The following SEC31B variants were observed in gnomAD, a reference collection of about 807,000 sequenced individuals.
The protein encoded by SEC31B is SEC31 homolog B, COPII component.
A neutral mutation model predicts 135.0 loss-of-function variants in SEC31B; 113 were observed. That is an observed-to-expected ratio of 0.84 (90% CI 0.72 to 0.98). The LOEUF is 0.98. Ranked by LOEUF, SEC31B falls within the 50% of genes least tolerant of loss-of-function variation. The probability of loss-of-function intolerance (pLI) is 0.00; values close to 1 mark genes in which losing one functional copy is unlikely to be tolerated. For synonymous variants in SEC31B, 508 were observed against 549.4 expected, an observed-to-expected ratio of 0.92 and a Z score of 1.05; for missense variants, 1,296 against 1,421.1, an observed-to-expected ratio of 0.91 and a Z score of 1.42.
In SEC31B at chr10:100,487,788, G is replaced by A. The variant is rs1327653127; in HGVS notation, c.3368C>T (p.Pro1123Leu). 3.7e-6 allele frequency: 6 copies of A among 1,613,894 alleles called. No homozygotes were observed. The highest frequency in any genetic ancestry group is 2.2e-5 in the East Asian group (1 of 44,898). Residue 1123 changes from proline (P) to leucine (L), a missense_variant, in exon 26 of 26, where the codon CCT (proline) becomes CTT (leucine). Pro to Leu is a moderately conservative substitution (Grantham distance 98, BLOSUM62 -3). Transcript: ENST00000370345. ...CTCATGGAGCCCAGCCACGACATGA[G>A]GTGAGAGCTGTGGAGGGAATGACCC... ...YEKLCEGTLS[P>L]HVVAGLHEVA...
rs781096922 is a variant in SEC31B at position 100,502,427 on chromosome 10, G to A, written c.1237C>T (p.Gln413Ter). 6 of 1,614,058 alleles carry A rather than the reference G, an allele frequency of 3.7e-6. No homozygotes were observed. The highest frequency in any genetic ancestry group is 1.3e-5 in the African/African-American group (1 of 74,926). Residue 413 changes from glutamine to a stop codon, truncating the protein, a stop_gained, in exon 11 of 26, where the codon CAG becomes TAG. Transcript: ENST00000370345. LOFTEE classifies it high-confidence loss of function. ...LPSTPAHLVP[Q>*]PCPRLVFISQ... The stretch of plus-strand genomic sequence containing the variant: ...ATGAAGACTAGGCGGGGGCAAGGCT[G>A]TGGCACCAGATGGGCAGGGGTGCTG...
intron 23 of SEC31B, 86 bp from the exon 24 acceptor site, chr10:100,489,060 C>G: frequency 1.3e-6 from 2 of 1,521,028 alleles, no homozygotes; most frequent in African/African-American, 1.4e-5. Context: ...CAGTGACTCA[C>G]AGTCACACTG....
chr10:100,503,500 C>G (rs1465478445), intron 10 of SEC31B, among the ~76,000 whole-genome samples: 1 of 149,880 alleles, frequency 6.7e-6, no homozygotes, highest in Non-Finnish European at 1.5e-5. Context: ...ATGGCGCAAT[C>G]TCGGCTCACC....
chr10:100,493,994 C>CAAGGGAGGGAAGA (rs1554841081), intron 19 of SEC31B, among the ~76,000 whole-genome samples: 3 of 125,714 alleles, frequency 2.4e-5, no homozygotes, highest in African/African-American at 6.4e-5. Context: ...AAAGGGGAGA[C>CAAGGGAGGGAAGA]AAGGGAGGGA....
chr10:100,511,104 A>T (rs1362051743), intron 3 of SEC31B, among the ~76,000 whole-genome samples: 7 of 152,234 alleles, frequency 4.6e-5, no homozygotes, highest in Admixed American at 3.3e-4. Flanking sequence ...CTCAAGGGGG[A>T]GTCACCAAAG....
At chr10:100,498,260 T>C in intron 14 of SEC31B, 53 bp from the exon 15 acceptor site, 1 of 1,586,464 alleles carries the variant, frequency 6.3e-7, no homozygotes, top group South Asian at 1.1e-5. Flanking sequence ...CCCAACTTCC[T>C]GCCCCCTGCA....
chr10:100,509,300 A>C lies in SEC31B; in HGVS notation c.399+16T>G. The C allele has an allele frequency of 6.2e-7, 1 of 1,610,028 alleles. No homozygotes were observed. The highest frequency in any genetic ancestry group is 8.5e-7 in the Non-Finnish European group (1 of 1,177,656). On this transcript the variant is annotated intron_variant, in intron 4 of 25. Transcript: ENST00000370345. ...CTCCCTGGCTTGGCCATGTTTGACTAACTGAAATGTAGTACCTGGAAAGGA... is the reference window on the plus strand; with the variant it reads ...CTCCCTGGCTTGGCCATGTTTGACTCACTGAAATGTAGTACCTGGAAAGGA...
At chr10:100,508,948 CTT>C (rs1194504928) in intron 5 of SEC31B, 57 bp downstream of exon 5, 1 of 1,401,034 alleles carries the variant, frequency 7.1e-7, no homozygotes, top group East Asian at 2.3e-5. Context: ...GAACTCAAGA[CTT>C]TTACTTAGGA....
Position 100,505,463 on chromosome 10 carries a change from G to C in SEC31B, c.1077C>G (p.Leu359=). 1 of 1,582,394 alleles carries C rather than the reference G, an allele frequency of 6.3e-7. No homozygotes were observed. Among genetic ancestry groups the C allele is most frequent in the Non-Finnish European group, 8.6e-7 (1 of 1,165,568 alleles). The change falls in exon 10 of 26, where the codon CTC becomes CTG. Residue 359 remains leucine, a synonymous_variant. Coordinates refer to ENST00000370345, the MANE Select transcript of SEC31B (RefSeq NM_015490.4). ...CTTGCTCTGGCACCTGCAGTGGTGG[G>C]AGAGGCTGGCCTTTGCTGAAGGAAG... ...ISSSFSKGQP[L]PPLQVPEQVA... is the part of the protein sequence containing the mutation.
At chr10:100,488,714 A>C in intron 24 of SEC31B, 144 bp downstream of exon 24, 1 of 1,137,230 alleles carries the variant, frequency 8.8e-7, no homozygotes, top group Non-Finnish European at 1.2e-6. Context: ...CCAGCTCCAC[A>C]TGGACGTCAA....
Position 100,489,695 on chromosome 10 carries a change from G to A in SEC31B, c.3024+8C>T. 3 of 1,614,150 alleles carry A rather than the reference G, an allele frequency of 1.9e-6. No individual in the cohort carries two copies. The highest frequency in any genetic ancestry group is 2.5e-6 in the Non-Finnish European group (3 of 1,180,014). Reference sequence around the variant, plus strand: ...TGCGAGGGAGTGGGTAGGGAAAGATGCATTGACCTTGTTCCTCTGGAGGTT... The same window carrying A: ...TGCGAGGGAGTGGGTAGGGAAAGATACATTGACCTTGTTCCTCTGGAGGTT... On this transcript the variant is annotated splice_region_variant and intron_variant, in intron 22 of 25. Coordinates refer to ENST00000370345, the MANE Select transcript of SEC31B (RefSeq NM_015490.4).
intron 19 of SEC31B, among the ~76,000 whole-genome samples, chr10:100,493,995 A>AAGGGAGGGAAGAAAGGG (rs1851355590): frequency 6.7e-6 from 1 of 149,680 alleles, no homozygotes; most frequent in Non-Finnish European, 1.5e-5. Flanking sequence ...AAGGGGAGAC[A>AAGGGAGGGAAGAAAGGG]AGGGAGGGAA....
chr10:100,493,684 G>C lies in SEC31B; in HGVS notation c.2472+1701C>G, dbSNP rs199591151. Among the ~76,000 whole-genome samples the C allele has an allele frequency of 1.2e-4, 19 of 152,230 alleles. No individual in the cohort carries two copies. In the East Asian group the frequency reaches 3.3e-3, roughly 26 times the overall value. ...TGGTAAAATTGAGTATCTTGATTTTGGTGGTGGTTACACACCACAATGTGA... is the reference window on the plus strand; with the variant it reads ...TGGTAAAATTGAGTATCTTGATTTTCGTGGTGGTTACACACCACAATGTGA... On this transcript the variant is annotated intron_variant, in intron 19 of 25. Coordinates refer to ENST00000370345, the MANE Select transcript of SEC31B (RefSeq NM_015490.4).
At chr10:100,491,640 A>T in intron 19 of SEC31B, among the ~76,000 whole-genome samples, 1 of 152,256 alleles carries the variant, frequency 6.6e-6, no homozygotes, top group East Asian at 1.9e-4. Flanking sequence ...AAAGAATGAA[A>T]ATAACATGAT....
intron 3 of SEC31B, 110 bp downstream of exon 3, chr10:100,515,986 A>G (rs1270923820): frequency 1.5e-6 from 2 of 1,347,432 alleles, no homozygotes; most frequent in Non-Finnish European, 2.0e-6. Flanking sequence ...AACTTGGCAA[A>G]GCTCCTTCTT....
At chr10:100,492,514 G>A (rs981004566) in intron 19 of SEC31B, among the ~76,000 whole-genome samples, 8 of 152,210 alleles carry the variant, frequency 5.3e-5, no homozygotes, top group African/African-American at 2.4e-5. Context: ...GAGCCACAGC[G>A]CCTGGCTTAT....
At chr10:100,495,123 G>A (rs1000017998) in intron 19 of SEC31B, 6 of 415,210 alleles carry the variant, frequency 1.4e-5, no homozygotes, top group Non-Finnish European at 2.7e-5. Flanking sequence ...ACCACGCCAG[G>A]CCTACTGTAG....
intron 17 of SEC31B, among the ~76,000 whole-genome samples, chr10:100,496,874 T>C (rs1039297588): frequency 5.9e-5 from 9 of 152,184 alleles, no homozygotes; most frequent in African/African-American, 2.2e-4. Context: ...CAAGCCACAA[T>C]TACTCAAGTA....
In SEC31B at chr10:100,487,606, G is replaced by T; in HGVS notation, c.*10C>A. On this transcript the variant is annotated 3_prime_UTR_variant, in exon 26 of 26. Coordinates refer to ENST00000370345, the MANE Select transcript of SEC31B (RefSeq NM_015490.4). ...CAGAAGTGGCCTCCTAGCAAGAGAG[G>T]CTGCCTGGTTTAGACCAGCAGCTTA... 1 of 1,608,804 alleles carries T rather than the reference G, an allele frequency of 6.2e-7. No homozygotes were observed. The highest frequency in any genetic ancestry group is 1.3e-5 in the African/African-American group (1 of 74,944).
Sources: gnomAD v4.1 joint callset for allele counts (sites outside exome capture counted in the v4.1 genomes callset) on GRCh38, gnomAD v4.1.1 for gene constraint, MANE v1.5 for transcripts, NCBI Gene and HGNC (gene_info 2026-07-23, HGNC 2026-07-21) for gene names.